Variants in PAPPA2 observed in about 807,000 individuals in gnomAD.
PAPPA2 encodes pappalysin 2, also known as pappalysin-2.
A neutral mutation model predicts 176.4 loss-of-function variants in PAPPA2; 86 were observed. The observed-to-expected ratio is 0.49, with a 90% CI of 0.41 to 0.58. The LOEUF is 0.58. Ranked by LOEUF, PAPPA2 falls within the 20% of genes least tolerant of loss-of-function variation. The pLI is 0.00. For synonymous variants in PAPPA2, 809 were observed against 852.2 expected (o/e 0.95, Z 0.88); for missense variants, 2,073 against 2,256.9 (o/e 0.92, Z 1.65).
intron 3 of PAPPA2, among the ~76,000 whole-genome samples, chr1:176,641,627 T>C (rs941003378): frequency 2.6e-5 from 4 of 152,098 alleles, no homozygotes; most frequent in African/African-American, 9.7e-5. Flanking sequence ...GGTAGTGTGA[T>C]GCCTCCAGCT....
At chr1:176,514,440 T>C (rs1013585425) in intron 1 of PAPPA2, among the ~76,000 whole-genome samples, 6 of 152,110 alleles carry the variant, frequency 3.9e-5, no homozygotes, top group Non-Finnish European at 5.9e-5. Flanking sequence ...GGATCAAATT[T>C]CAACGTGGAT....
intron 3 of PAPPA2, among the ~76,000 whole-genome samples, chr1:176,631,590 G>T (rs1270144398): frequency 2.6e-5 from 4 of 152,160 alleles, no homozygotes; most frequent in Admixed American, 1.3e-4. Context: ...TCAAACTGCA[G>T]TAATGAGGTC....
At chr1:176,749,622 C>A (rs764985552) in intron 14 of PAPPA2, among the ~76,000 whole-genome samples, 8 of 152,198 alleles carry the variant, frequency 5.3e-5, no homozygotes, top group Non-Finnish European at 1.5e-5. Context: ...TACATCCCTG[C>A]TGTCCCAAAC....
chr1:176,785,557 A>T (rs1664898032), intron 17 of PAPPA2, among the ~76,000 whole-genome samples: 1 of 152,156 alleles, frequency 6.6e-6, no homozygotes, highest in African/African-American at 2.4e-5. Flanking sequence ...TTCCTAGGGA[A>T]TTGGGACTCT....
intron 6 of PAPPA2, 119 bp from the exon 7 acceptor site, chr1:176,695,619 T>C (rs1660338843): frequency 8.6e-6 from 10 of 1,156,176 alleles, no homozygotes; most frequent in African/African-American, 1.5e-5. Context: ...AGTTACTCTC[T>C]AGGTCCTTAC....
intron 21 of PAPPA2, among the ~76,000 whole-genome samples, chr1:176,837,834 T>C (rs1243053050): frequency 1.3e-5 from 2 of 152,218 alleles, no homozygotes; most frequent in Admixed American, 1.3e-4. Context: ...GATCAATTAG[T>C]CATTTTTCCT....
chr1:176,661,705 G>A (rs1380318973), intron 3 of PAPPA2, among the ~76,000 whole-genome samples: 1 of 151,904 alleles, frequency 6.6e-6, no homozygotes, highest in African/African-American at 2.4e-5. Context: ...ACTCTAACAT[G>A]AAGAACACAA....
intron 10 of PAPPA2, among the ~76,000 whole-genome samples, 196 bp from the exon 11 acceptor site, chr1:176,709,787 A>G (rs1486495592): frequency 6.6e-6 from 1 of 152,034 alleles, no homozygotes; most frequent in Non-Finnish European, 1.5e-5. Flanking sequence ...TCTCCCAATG[A>G]GAAAAAATCC....
At position 176,527,362 on chromosome 1, in the gene PAPPA2, A is replaced by G. The variant is rs567294088; in HGVS notation, c.-916-28045A>G. Reference sequence around the variant, plus strand: ...ATGTGTTATCATCTCCACACTGGAGATGAGGAAATTAAGGCTCATCAAGTG... The same window carrying G: ...ATGTGTTATCATCTCCACACTGGAGGTGAGGAAATTAAGGCTCATCAAGTG... On this transcript the variant is annotated intron_variant, in intron 1 of 22. Coordinates refer to ENST00000367662, the MANE Select transcript of PAPPA2 (RefSeq NM_020318.3). Among the ~76,000 whole-genome samples the G allele has an allele frequency of 4.6e-5, 7 of 152,284 alleles. No homozygotes were observed. In the East Asian group the frequency reaches 1.4e-3, roughly 29 times the overall value.
intron 6 of PAPPA2, among the ~76,000 whole-genome samples, chr1:176,694,379 C>G (rs773140974): frequency 1.3e-5 from 2 of 152,200 alleles, no homozygotes; most frequent in Non-Finnish European, 2.9e-5. Context: ...ATTTACTTAA[C>G]CTCTCTGAGC....
intron 12 of PAPPA2, among the ~76,000 whole-genome samples, chr1:176,728,545 G>C (rs770561327): frequency 6.6e-6 from 1 of 151,854 alleles, no homozygotes; most frequent in African/African-American, 2.4e-5. Flanking sequence ...GGCACAAACT[G>C]GTCCTGTATA....
chr1:176,576,943 G>A (rs1384199020), intron 2 of PAPPA2, among the ~76,000 whole-genome samples: 4 of 151,716 alleles, frequency 2.6e-5, no homozygotes, highest in African/African-American at 9.7e-5. Context: ...CGGGTTGTTT[G>A]TATCCACAGT....
At chr1:176,568,964 A>T (rs1652149857) in intron 2 of PAPPA2, among the ~76,000 whole-genome samples, 1 of 152,178 alleles carries the variant, frequency 6.6e-6, no homozygotes, top group Admixed American at 6.5e-5. Context: ...GATAAAGTTC[A>T]GCTTCCTTAA....
chr1:176,687,834 C>T (rs16850086), intron 4 of PAPPA2, among the ~76,000 whole-genome samples: 30,048 of 151,914 alleles, frequency 0.2, 3,235 homozygotes, highest in African/African-American at 0.29. Flanking sequence ...CTACCCCGGA[C>T]AGGTTCTGTG....
At position 176,464,891 on chromosome 1, in the gene PAPPA2, A is replaced by G. The variant is rs568754080; in HGVS notation, c.-917+1473A>G. On this transcript the variant is annotated intron_variant, in intron 1 of 22. Coordinates refer to ENST00000367662, the MANE Select transcript of PAPPA2 (RefSeq NM_020318.3). ...AACAATCCATAATCCCAATATCCAT[A>G]TGCAGTGGTTATCACCGGATAGGTG... Among the ~76,000 whole-genome samples, 15 of 152,340 alleles carry G rather than the reference A, an allele frequency of 9.8e-5. 1 individual carries two copies. Among genetic ancestry groups the G allele is most frequent in the African/African-American group, 2.9e-4 (12 of 41,590 alleles).
At chr1:176,586,322 A>G (rs1270452624) in intron 2 of PAPPA2, among the ~76,000 whole-genome samples, 1 of 151,994 alleles carries the variant, frequency 6.6e-6, no homozygotes, top group Admixed American at 6.6e-5. Flanking sequence ...TTTTTATTAG[A>G]TATTTTTCTT....
chr1:176,524,800 G>A (rs555046829), intron 1 of PAPPA2, among the ~76,000 whole-genome samples: 1 of 152,266 alleles, frequency 6.6e-6, no homozygotes, highest in South Asian at 2.1e-4. Flanking sequence ...CTGGCGGGCG[G>A]ATCATGAGGT....
chr1:176,659,620 AT>A (rs887472578), intron 3 of PAPPA2, among the ~76,000 whole-genome samples: 2 of 152,146 alleles, frequency 1.3e-5, no homozygotes, highest in Non-Finnish European at 2.9e-5. Flanking sequence ...CATTCAAAAA[AT>A]ATAAGAACAT....
At chr1:176,643,002 T>C (rs1346030277) in intron 3 of PAPPA2, among the ~76,000 whole-genome samples, 5 of 151,894 alleles carry the variant, frequency 3.3e-5, no homozygotes, top group Non-Finnish European at 7.4e-5. Flanking sequence ...GTGTCAGTTT[T>C]TTTTCTATAT....
Sources: gnomAD v4.1 joint callset for allele counts (sites outside exome capture counted in the v4.1 genomes callset) on GRCh38, gnomAD v4.1.1 for gene constraint, MANE v1.5 for transcripts, NCBI Gene and HGNC (gene_info 2026-07-23, HGNC 2026-07-21) for gene names.